The following KIF5C variants were observed in gnomAD, a reference collection of about 807,000 sequenced individuals.
KIF5C encodes kinesin family member 5C.
A neutral mutation model predicts 125.2 loss-of-function variants in KIF5C; 18 were observed. The ratio of observed to expected loss-of-function variants is 0.14; its 90% confidence interval spans 0.10 to 0.21. The LOEUF (loss-of-function observed/expected upper bound fraction) is 0.21, where lower values mean the gene tolerates loss of function less well. Among genes scored for constraint, KIF5C ranks in the 10% least tolerant of loss-of-function variants. The pLI is 1.00. For missense variants in KIF5C, 780 were observed against 1,183.8 expected, an observed-to-expected ratio of 0.66 and a Z score of 5.01; for synonymous variants, 405 against 434.0, an observed-to-expected ratio of 0.93 and a Z score of 0.83.
At chr2:148,927,042 A>G (rs975687305) in intron 2 of KIF5C, among the ~76,000 whole-genome samples, 9 of 152,196 alleles carry the variant, frequency 5.9e-5, no homozygotes, top group African/African-American at 2.2e-4. Context: ...AGCAAGAAAC[A>G]GATTCTCCAA....
At chr2:148,923,033 C>A (rs1558896105) in intron 2 of KIF5C, among the ~76,000 whole-genome samples, 1 of 152,228 alleles carries the variant, frequency 6.6e-6, no homozygotes, top group Non-Finnish European at 1.5e-5. Context: ...TGGGGGGCAT[C>A]TCCTGCTACT....
At chr2:148,915,183 A>C (rs921233978) in intron 1 of KIF5C, among the ~76,000 whole-genome samples, 1 of 152,114 alleles carries the variant, frequency 6.6e-6, no homozygotes, top group African/African-American at 2.4e-5. Context: ...AAATACGTGA[A>C]GTTTCTGACA....
chr2:148,920,423 G>A (rs1681736904), intron 1 of KIF5C, among the ~76,000 whole-genome samples: 1 of 152,184 alleles, frequency 6.6e-6, no homozygotes, highest in Non-Finnish European at 1.5e-5. Context: ...ATAGACTGTG[G>A]TGAGGAATAG....
intron 3 of KIF5C, among the ~76,000 whole-genome samples, chr2:148,930,328 CT>C (rs375719839): frequency 6.0e-4 from 88 of 146,292 alleles, no homozygotes; most frequent in Middle Eastern, 3.5e-3. Context: ...TCCTCTTTTC[CT>C]TTTTTTTTTT....
intron 15 of KIF5C, among the ~76,000 whole-genome samples, chr2:148,984,839 G>A (rs186764309): frequency 3.3e-5 from 5 of 152,290 alleles, no homozygotes; most frequent in Admixed American, 3.3e-4. Context: ...CACCCAGGCT[G>A]GAGTGCAGTG....
In KIF5C at chr2:149,024,513, CAA is replaced by C. The variant is rs1682628515; in HGVS notation, c.*1444_*1445del. 1 of 117,324 alleles carries C rather than the reference CAA, an allele frequency of 8.5e-6. No homozygotes were observed. 7.3% of individuals were successfully genotyped at this position (117,324 alleles called of 1,614,324 possible). On this transcript the variant is annotated 3_prime_UTR_variant, in exon 26 of 26. Coordinates refer to ENST00000435030, the MANE Select transcript of KIF5C (RefSeq NM_004522.3). ...ATGACTGTGTGGGTCGAAGGTAGCT[CAA>C]GTGTGTGTGTGTGTGTGTGTGTGTG...
chr2:148,998,405 G>T lies in KIF5C; in HGVS notation c.2106G>T (p.Ala702=). ...TCTCTTGGCCTGGGATGCAGAAGGC[G>T]CTGGAGCAGCAGATGGAGAGCCACC... ...RLQDAEEMKK[A]LEQQMESHRE... Residue 702 remains alanine (A), a synonymous_variant, in exon 19 of 26, where the codon GCG becomes GCT. Coordinates refer to ENST00000435030, the MANE Select transcript of KIF5C (RefSeq NM_004522.3). 1 of 1,560,744 alleles carries T rather than the reference G, an allele frequency of 6.4e-7. No individual in the cohort carries two copies. The highest frequency in any genetic ancestry group is 1.2e-5 in the South Asian group (1 of 84,464).
chr2:148,883,242 C>G (rs1165311179), intron 1 of KIF5C, among the ~76,000 whole-genome samples: 4 of 152,194 alleles, frequency 2.6e-5, no homozygotes, highest in African/African-American at 4.8e-5. Context: ...TGGCTCACAC[C>G]TGTAATCCCA....
intron 1 of KIF5C, among the ~76,000 whole-genome samples, chr2:148,905,481 TG>T (rs1230564070): frequency 1.3e-5 from 2 of 152,186 alleles, no homozygotes; most frequent in Non-Finnish European, 2.9e-5. Flanking sequence ...TGGGTGCCTT[TG>T]CTGCTTCCCA....
intron 11 of KIF5C, among the ~76,000 whole-genome samples, chr2:148,968,719 T>A (rs1388178584): frequency 6.6e-6 from 1 of 152,020 alleles, no homozygotes; most frequent in Non-Finnish European, 1.5e-5. Context: ...TTTTTAGGAA[T>A]GAGGGTGAAA....
intron 15 of KIF5C, among the ~76,000 whole-genome samples, chr2:148,986,120 A>G (rs1482653773): frequency 6.6e-6 from 1 of 152,228 alleles, no homozygotes; most frequent in Non-Finnish European, 1.5e-5. Flanking sequence ...TGATAACGAT[A>G]AAGGAAGAAG....
At chr2:148,985,253 A>G (rs926740385) in intron 15 of KIF5C, among the ~76,000 whole-genome samples, 2 of 152,210 alleles carry the variant, frequency 1.3e-5, no homozygotes, top group Non-Finnish European at 2.9e-5. Flanking sequence ...TAGAAAGGCT[A>G]TTGTTGTTAT....
intron 2 of KIF5C, among the ~76,000 whole-genome samples, chr2:148,927,023 C>T (rs1419744456): frequency 2.6e-5 from 4 of 152,146 alleles, no homozygotes; most frequent in African/African-American, 9.7e-5. Context: ...TGTTCAGTGA[C>T]GAAATGGCAG....
At chr2:149,021,333 G>T (rs1225850611) in intron 25 of KIF5C, among the ~76,000 whole-genome samples, 1 of 152,080 alleles carries the variant, frequency 6.6e-6, no homozygotes, top group Non-Finnish European at 1.5e-5. Flanking sequence ...AAACCAAAGT[G>T]CTGGGATTAT....
At chr2:148,922,729 G>T (rs907197501) in intron 2 of KIF5C, among the ~76,000 whole-genome samples, 1 of 152,124 alleles carries the variant, frequency 6.6e-6, no homozygotes, top group East Asian at 1.9e-4. Flanking sequence ...TCACATTACC[G>T]TGTTGGTTAT....
At chr2:148,973,606 G>A (rs751730327) in intron 12 of KIF5C, 95 bp downstream of exon 12, 20 of 1,433,872 alleles carry the variant, frequency 1.4e-5, no homozygotes, top group South Asian at 3.1e-5. Flanking sequence ...GCTACAGCCC[G>A]ATCTTTGTTT....
rs931591499 is a variant in KIF5C at position 148,979,121 on chromosome 2, G to T, written c.1362+131G>T. On this transcript the variant is annotated intron_variant, in intron 13 of 25. Coordinates refer to ENST00000435030, the MANE Select transcript of KIF5C (RefSeq NM_004522.3). ...AGAATCATGTGGAAATTTCTTGGTA[G>T]ATGTCCCTTCACTGCCTCTTACAAG... is the stretch of plus-strand genomic sequence containing the variant. 2.4e-6 allele frequency: 3 copies of T among 1,239,036 alleles called. No homozygotes were observed. In the Admixed American group the frequency reaches 1.2e-4, roughly 48 times the overall value. The allele number at this position is 1,239,036 out of a possible 1,614,324, so 76.8% of individuals were successfully genotyped here.
rs1041401051 is a variant in KIF5C at position 148,924,890 on chromosome 2, A to G, written c.217+2663A>G. On this transcript the variant is annotated intron_variant, in intron 2 of 25. Coordinates refer to ENST00000435030, the MANE Select transcript of KIF5C (RefSeq NM_004522.3). The surrounding 1 kb of genome is among the most constrained non-coding windows in gnomAD (Gnocchi z 4.0). ...TTAATCATTCATTTCTGTAAGTAGTAATAAGTACTTACCGTGGGGTAAGCA... is the reference window on the plus strand; with the variant it reads ...TTAATCATTCATTTCTGTAAGTAGTGATAAGTACTTACCGTGGGGTAAGCA... 4.6e-5 allele frequency among the ~76,000 whole-genome samples: 7 copies of G among 152,232 alleles called. No individual in the cohort carries two copies. The highest frequency in any genetic ancestry group is 4.4e-5 in the Non-Finnish European group (3 of 68,052).
intron 1 of KIF5C, chr2:148,883,596 T>C (rs897392576): frequency 1.1e-4 from 16 of 152,186 alleles, no homozygotes; most frequent in Admixed American, 6.5e-5. Context: ...TACAACACAC[T>C]TTGTTTTAAA....
Sources: allele counts gnomAD v4.1 joint callset (sites outside exome capture counted in the v4.1 genomes callset), GRCh38; gene constraint gnomAD v4.1.1; non-coding constraint Gnocchi (gnomAD v3.1); transcripts MANE v1.5; gene names NCBI Gene and HGNC (gene_info 2026-07-23, HGNC 2026-07-21).